PCSK5: variants seen among roughly 807,000 people sequenced by gnomAD.
The protein encoded by PCSK5 is proprotein convertase subtilisin/kexin type 5.
PCSK5 carries 129 observed loss-of-function variants against 233.2 expected under a neutral mutation model. The observed-to-expected ratio is 0.55, with a 90% confidence interval of 0.48 to 0.64. The LOEUF is 0.64. Ranked by LOEUF, PCSK5 falls within the 30% of genes least tolerant of loss-of-function variation. The pLI, the probability that PCSK5 is intolerant of heterozygous loss-of-function variation, is 0.00. For missense variants in PCSK5, 2,076 were observed against 2,430.1 expected (o/e 0.85, Z 3.06); for synonymous variants, 825 against 879.2 (o/e 0.94, Z 1.09).
chr9:76,038,469 T>C (rs1828959148), intron 5 of PCSK5, among the ~76,000 whole-genome samples: 1 of 152,218 alleles, frequency 6.6e-6, no homozygotes, highest in East Asian at 1.9e-4. Context: ...TACTCTTTCA[T>C]AAAATTTTTT....
At chr9:76,338,032 A>T (rs867256203) in intron 34 of PCSK5, among the ~76,000 whole-genome samples, 198 bp from the exon 35 acceptor site, 1 of 152,110 alleles carries the variant, frequency 6.6e-6, no homozygotes, top group South Asian at 2.1e-4. Flanking sequence ...ATAGTAGGGG[A>T]GGGATTGGCC....
At chr9:75,893,002 T>C (rs575110263) in intron 1 of PCSK5, among the ~76,000 whole-genome samples, 3 of 152,286 alleles carry the variant, frequency 2.0e-5, no homozygotes, top group Non-Finnish European at 4.4e-5. Flanking sequence ...GGCTTCTTTT[T>C]CTCTGGAAGA....
intron 12 of PCSK5, among the ~76,000 whole-genome samples, chr9:76,162,258 G>A (rs1383796725): frequency 1.3e-5 from 2 of 152,154 alleles, no homozygotes; most frequent in East Asian, 1.9e-4. Context: ...CCCTCCTACC[G>A]AGGCAGCTAA....
At chr9:76,015,444 A>T (rs1195444422) in intron 3 of PCSK5, among the ~76,000 whole-genome samples, 2 of 152,222 alleles carry the variant, frequency 1.3e-5, no homozygotes, top group African/African-American at 2.4e-5. Flanking sequence ...ACACCGTCTC[A>T]AGAAATATTG....
At position 76,282,145 on chromosome 9, in the gene PCSK5, T is replaced by TTTTTTTTTTC. The variant is rs1286020691; in HGVS notation, c.3143-10086_3143-10085insTTTTTTTCTT. On this transcript the variant is annotated intron_variant, in intron 24 of 37. Coordinates refer to ENST00000674117, the MANE Select transcript of PCSK5 (RefSeq NM_001372043.1). ...CTTTTTTTTTTTTTTTTTTTTTTTT[T>TTTTTTTTTTC]TTCGCTCTGTTGCCCAGGCTGGAGC... 7.6e-4 allele frequency among the ~76,000 whole-genome samples: 75 copies of TTTTTTTTTTC among 98,990 alleles called. 22 individuals carry two copies. The highest frequency in any genetic ancestry group is 2.4e-3 in the East Asian group (6 of 2,480). The allele number at this position is 98,990 out of a possible 152,430, so 64.9% of individuals were successfully genotyped here. A position where few individuals can be genotyped will look rare whatever the true frequency, so the allele number is the denominator to read the frequency against.
chr9:76,047,542 A>G (rs1829466291), intron 5 of PCSK5, among the ~76,000 whole-genome samples: 1 of 152,190 alleles, frequency 6.6e-6, no homozygotes. Context: ...AATATACATT[A>G]GAGGTCAAGG....
At chr9:76,081,280 C>T (rs1478265352) in intron 7 of PCSK5, among the ~76,000 whole-genome samples, 1 of 151,822 alleles carries the variant, frequency 6.6e-6, no homozygotes, top group East Asian at 1.9e-4. Context: ...ATGGTGAGAC[C>T]CTGTCTCTAC....
intron 9 of PCSK5, among the ~76,000 whole-genome samples, chr9:76,130,535 C>A (rs745384126): frequency 2.6e-5 from 4 of 152,048 alleles, no homozygotes; most frequent in Non-Finnish European, 4.4e-5. Flanking sequence ...AGAATGTTAC[C>A]CACGTCATGT....
chr9:76,275,279 A>G (rs774680653), intron 24 of PCSK5, among the ~76,000 whole-genome samples: 4 of 152,152 alleles, frequency 2.6e-5, no homozygotes, highest in Non-Finnish European at 5.9e-5. Context: ...ATCCTTCACT[A>G]AGACTGCAAT....
At chr9:76,198,086 G>C (rs1430725695) in intron 20 of PCSK5, among the ~76,000 whole-genome samples, 1 of 152,234 alleles carries the variant, frequency 6.6e-6, no homozygotes, top group African/African-American at 2.4e-5. Flanking sequence ...CAGTTATGCA[G>C]CCTCACTACG....
In PCSK5 at chr9:76,179,596, G is replaced by A; in HGVS notation, c.1901G>A (p.Gly634Asp). The A allele has an allele frequency of 6.2e-7, 1 of 1,611,606 alleles. No individual in the cohort carries two copies. Among genetic ancestry groups the A allele is most frequent in the Non-Finnish European group, 8.5e-7 (1 of 1,177,826 alleles). The change falls in exon 15 of 38, where the codon GGT becomes GAT. Residue 634 changes from glycine (G) to aspartate (D), a missense_variant and splice_region_variant. Around this residue, in one of 6 missense-constraint regions of PCSK5, gnomAD observed 84 missense variants for 108.8 expected, o/e 0.77. Coordinates refer to ENST00000674117, the MANE Select transcript of PCSK5 (RefSeq NM_001372043.1). The stretch of plus-strand genomic sequence containing the variant: ...TATTGTTCTAATGTCTTTTGGAAAG[G>A]TCCCTGCGACCCTGAGTGCAGTGAG... ...TDDYGTEDYAGPCDPECSEVG... is the reference protein window; with the variant it reads ...TDDYGTEDYADPCDPECSEVG...
rs531851683 is a variant in PCSK5, at chr9:76,187,373, A to AT, written c.2283-1194dup. 5.3e-3 allele frequency among the ~76,000 whole-genome samples: 788 copies of AT among 148,084 alleles called. 3 individuals are homozygous for AT. The highest frequency in any genetic ancestry group is 8.2e-3 in the Non-Finnish European group (547 of 66,732). ...AATATTTTTTATATTAACTATTGTAATTTTTTTTTTTAAGAGACAGAGTCT... is the reference window on the plus strand; with the variant it reads ...AATATTTTTTATATTAACTATTGTAATTTTTTTTTTTTAAGAGACAGAGTCT... On this transcript the variant is annotated intron_variant, in intron 17 of 37. Transcript: ENST00000674117.
intron 3 of PCSK5, among the ~76,000 whole-genome samples, chr9:75,996,785 C>G (rs1273584041): frequency 1.3e-5 from 2 of 149,126 alleles, no homozygotes; most frequent in Admixed American, 1.3e-4. Context: ...CTGGGCCCCT[C>G]TCTGCCATGA....
chr9:76,327,961 C>G (rs752874746), intron 32 of PCSK5, 48 bp from the exon 33 acceptor site: 1 of 1,223,344 alleles, frequency 8.2e-7, no homozygotes, highest in Non-Finnish European at 1.2e-6. Context: ...CCCACGAGGG[C>G]CACCCTGGCT....
intron 2 of PCSK5, among the ~76,000 whole-genome samples, chr9:75,967,403 C>T (rs996825617): frequency 3.3e-5 from 5 of 152,144 alleles, no homozygotes; most frequent in Non-Finnish European, 7.3e-5. Context: ...CAGCTGCATC[C>T]GTGTTGCTGC....
intron 24 of PCSK5, among the ~76,000 whole-genome samples, chr9:76,251,420 T>C (rs1826800656): frequency 6.6e-6 from 1 of 151,682 alleles, no homozygotes; most frequent in African/African-American, 2.4e-5. Context: ...AAAAATTAGC[T>C]GGGCGTGGTG....
At chr9:76,260,472 A>G (rs2131358465) in intron 24 of PCSK5, among the ~76,000 whole-genome samples, 1 of 152,342 alleles carries the variant, frequency 6.6e-6, no homozygotes, top group Non-Finnish European at 1.5e-5. Flanking sequence ...GACAGACGAG[A>G]CAGGAGAGAA....
chr9:76,157,859 A>G (rs1347285829), intron 11 of PCSK5, among the ~76,000 whole-genome samples: 2 of 152,362 alleles, frequency 1.3e-5, no homozygotes, highest in East Asian at 3.9e-4. Context: ...AAGGGTGGAA[A>G]GTTAACCAGT....
intron 9 of PCSK5, among the ~76,000 whole-genome samples, chr9:76,127,127 G>A (rs1822539264): frequency 6.6e-6 from 1 of 151,882 alleles, no homozygotes; most frequent in Non-Finnish European, 1.5e-5. Context: ...GGAGAAAACA[G>A]CTATAAAGTA....
Sources: allele counts gnomAD v4.1 joint callset (sites outside exome capture counted in the v4.1 genomes callset), GRCh38; gene constraint gnomAD v4.1.1; regional missense constraint gnomAD v4.1.1; transcripts MANE v1.5; gene names NCBI Gene and HGNC (gene_info 2026-07-23, HGNC 2026-07-21).